Variants in KIF2A observed in about 807,000 individuals in gnomAD.
KIF2A encodes kinesin-like protein KIF2A.
In KIF2A, 22 loss-of-function variants were observed where a neutral mutation model predicts 100.2. The observed-to-expected ratio is 0.22, with a 90% CI of 0.16 to 0.31. KIF2A has a LOEUF of 0.31. KIF2A is among the 10% of genes least tolerant of loss of function. The probability of loss-of-function intolerance (pLI) is 1.00; values close to 1 mark genes in which losing one functional copy is unlikely to be tolerated. For synonymous variants in KIF2A, 268 were observed against 285.9 expected, an observed-to-expected ratio of 0.94 and a Z score of 0.63; for missense variants, 495 against 898.7, an observed-to-expected ratio of 0.55 and a Z score of 5.74.
rs11740652 is a variant in KIF2A at position 62,361,092 on chromosome 5, G to A, written c.873-150G>A. 0.067 allele frequency: 32,153 copies of A among 476,538 alleles called. 1,306 individuals are homozygous for A. The highest frequency in any genetic ancestry group is 0.12 in the East Asian group (3,720 of 30,748). 29.5% of individuals were successfully genotyped at this position (476,538 alleles called of 1,614,324 possible). On this transcript the variant is annotated intron_variant, in intron 9 of 20. Transcript: ENST00000407818. ...TTTAAAATTCTTAAATCAATTCTTC[G>A]ATATTGTTATTTAAAATTTTTAACA...
Position 62,389,573 on chromosome 5 carries a change from A to T in KIF2A, c.*4004A>T, listed in dbSNP as rs1395346575. Among the ~76,000 whole-genome samples the T allele has an allele frequency of 6.6e-6, 1 of 151,754 alleles. No homozygotes were observed. Among genetic ancestry groups the T allele is most frequent in the Admixed American group, 6.6e-5 (1 of 15,170 alleles). On this transcript the variant is annotated 3_prime_UTR_variant, in exon 21 of 21. Coordinates refer to ENST00000407818, the MANE Select transcript of KIF2A (RefSeq NM_001098511.3). ...ACCATGCCATGTTGGTGCCTCTTTCATTAGAGCCTTTATGTCGTAATGAAT... is the reference window on the plus strand; with the variant it reads ...ACCATGCCATGTTGGTGCCTCTTTCTTTAGAGCCTTTATGTCGTAATGAAT...
In KIF2A at chr5:62,350,098, CCCT is replaced by C; in HGVS notation, c.316_318del (p.Pro106del). ...GGACTGTAGCTTCTATTAAGAATGA[CCCT>C]CCTTCAAGAGATAATAGAGGTAAAG... On this transcript the variant is annotated inframe_deletion, in exon 4 of 21. Coordinates refer to ENST00000407818, the MANE Select transcript of KIF2A (RefSeq NM_001098511.3). 6.3e-7 allele frequency: 1 copy of C among 1,587,434 alleles called. No homozygotes were observed. The highest frequency in any genetic ancestry group is 2.3e-5 in the East Asian group (1 of 44,216).
intron 1 of KIF2A, chr5:62,308,450 G>A (rs956995948): frequency 5.4e-6 from 5 of 933,030 alleles, no homozygotes; most frequent in South Asian, 1.4e-5. Flanking sequence ...GCACTCTCGC[G>A]TTCATTGCAG....
Position 62,388,415 on chromosome 5 carries a change from A to T in KIF2A, c.*2846A>T, listed in dbSNP as rs1371312162. On this transcript the variant is annotated 3_prime_UTR_variant, in exon 21 of 21. Coordinates refer to ENST00000407818, the MANE Select transcript of KIF2A (RefSeq NM_001098511.3). Reference sequence around the variant, plus strand: ...CGGTGGCAGTAGCAGACTTGGGCTTACCCAGAACCCTAAGTCTCTGACGCT... The same window carrying T: ...CGGTGGCAGTAGCAGACTTGGGCTTTCCCAGAACCCTAAGTCTCTGACGCT... 1 of 152,358 alleles carries T rather than the reference A, an allele frequency of 6.6e-6. No individual in the cohort carries two copies. Among genetic ancestry groups the T allele is most frequent in the Non-Finnish European group, 1.5e-5 (1 of 68,176 alleles). 9.4% of individuals were successfully genotyped at this position (152,358 alleles called of 1,614,324 possible).
intron 16 of KIF2A, among the ~76,000 whole-genome samples, chr5:62,368,271 T>C (rs2111972788): frequency 1.3e-5 from 2 of 152,076 alleles, no homozygotes; most frequent in Middle Eastern, 3.4e-3. Flanking sequence ...TTGTTTTTTT[T>C]TTTCCTCTTT....
chr5:62,382,388 C>T (rs1741806559), intron 20 of KIF2A, among the ~76,000 whole-genome samples: 1 of 152,058 alleles, frequency 6.6e-6, no homozygotes. Flanking sequence ...CTGCAGTGAG[C>T]TAGGATCACG....
intron 1 of KIF2A, among the ~76,000 whole-genome samples, chr5:62,322,086 AT>A (rs201993955): frequency 6.6e-6 from 1 of 151,338 alleles, no homozygotes; most frequent in Non-Finnish European, 1.5e-5. Context: ...TGCCTGGCTA[AT>A]TTTTTTTAGA....
chr5:62,383,837 C>T (rs1031672086), intron 20 of KIF2A, among the ~76,000 whole-genome samples: 6 of 152,222 alleles, frequency 3.9e-5, no homozygotes, highest in African/African-American at 1.4e-4. Flanking sequence ...CTTTCCTTTT[C>T]TCAAATTTCA....
In KIF2A at chr5:62,336,991, T is replaced by A. The variant is rs79076117; in HGVS notation, c.65-10139T>A. Among the ~76,000 whole-genome samples, 301 of 152,304 alleles carry A rather than the reference T, an allele frequency of 2.0e-3. 1 individual carries two copies. Among genetic ancestry groups the A allele is most frequent in the African/African-American group, 6.6e-3 (275 of 41,578 alleles). The stretch of plus-strand genomic sequence containing the variant: ...TGATGCCAAAAATGTGGAAACTTTA[T>A]CTAAAACTCCTAGAAAAATATAATT... On this transcript the variant is annotated intron_variant, in intron 1 of 20. Coordinates refer to ENST00000407818, the MANE Select transcript of KIF2A (RefSeq NM_001098511.3).
At chr5:62,340,358 T>C (rs962618651) in intron 1 of KIF2A, among the ~76,000 whole-genome samples, 1 of 152,204 alleles carries the variant, frequency 6.6e-6, no homozygotes, top group Non-Finnish European at 1.5e-5. Context: ...ATATGTGATA[T>C]AATTCACAGT....
At chr5:62,340,538 G>A (rs7702634) in intron 1 of KIF2A, among the ~76,000 whole-genome samples, 74,167 of 151,898 alleles carry the variant, frequency 0.49, 19,069 homozygotes, top group African/African-American at 0.64. Context: ...TCTTATTAAC[G>A]TCTATGCATG....
At chr5:62,308,128 G>A (rs888559635) in intron 1 of KIF2A, among the ~76,000 whole-genome samples, 1 of 152,124 alleles carries the variant, frequency 6.6e-6, no homozygotes, top group Non-Finnish European at 1.5e-5. Context: ...GTAATTTGTG[G>A]TAACAACTGA....
intron 7 of KIF2A, among the ~76,000 whole-genome samples, chr5:62,357,169 C>T (rs1286671455): frequency 4.0e-5 from 6 of 151,848 alleles, no homozygotes; most frequent in Admixed American, 1.3e-4. Context: ...CTGCAACCTC[C>T]ACCTCCCAGG....
intron 1 of KIF2A, among the ~76,000 whole-genome samples, chr5:62,325,874 T>C (rs953850422): frequency 2.0e-5 from 3 of 152,194 alleles, no homozygotes; most frequent in Non-Finnish European, 4.4e-5. Context: ...AGCAAAGACA[T>C]GTAATCAACC....
Position 62,390,881 on chromosome 5 carries a change from G to A in KIF2A, c.*5312G>A, listed in dbSNP as rs750041272. On this transcript the variant is annotated 3_prime_UTR_variant, in exon 21 of 21. Coordinates refer to ENST00000407818, the MANE Select transcript of KIF2A (RefSeq NM_001098511.3). The stretch of plus-strand genomic sequence containing the variant: ...GAAAACAAAAATGTAATTACCTGAT[G>A]AAGTCATCTATGTCCATGGAACGGG... 4 of 1,611,408 alleles carry A rather than the reference G, an allele frequency of 2.5e-6. No individual in the cohort carries two copies. Among genetic ancestry groups the A allele is most frequent in the Non-Finnish European group, 3.4e-6 (4 of 1,179,312 alleles).
chr5:62,375,632 A>C (rs900269802), intron 18 of KIF2A, among the ~76,000 whole-genome samples: 1 of 152,188 alleles, frequency 6.6e-6, no homozygotes, highest in African/African-American at 2.4e-5. Context: ...ACTTAGCCCA[A>C]AATATTCTAG....
intron 1 of KIF2A, among the ~76,000 whole-genome samples, chr5:62,344,416 T>C (rs1283968103): frequency 6.6e-6 from 1 of 151,806 alleles, no homozygotes; most frequent in Non-Finnish European, 1.5e-5. Flanking sequence ...CCAATGTGAA[T>C]TAAATGAGCT....
chr5:62,322,179 C>T (rs1477738854), intron 1 of KIF2A, among the ~76,000 whole-genome samples: 4 of 152,172 alleles, frequency 2.6e-5, no homozygotes, highest in Admixed American at 2.6e-4. Context: ...ATCCTCCCGT[C>T]TCAGCCTCTC....
intron 1 of KIF2A, among the ~76,000 whole-genome samples, chr5:62,323,629 A>G (rs963222604): frequency 1.3e-5 from 2 of 152,350 alleles, no homozygotes; most frequent in Admixed American, 6.5e-5. Flanking sequence ...ATTTGTTTCA[A>G]AATAATCCAG....
Sources: gnomAD v4.1 joint callset for allele counts (sites outside exome capture counted in the v4.1 genomes callset) on GRCh38, gnomAD v4.1.1 for gene constraint, MANE v1.5 for transcripts, NCBI Gene and HGNC (gene_info 2026-07-23, HGNC 2026-07-21) for gene names.